SEMA6D: variants seen among roughly 807,000 people sequenced by gnomAD.
The protein encoded by SEMA6D is semaphorin 6D, also known as semaphorin-6D.
A neutral mutation model predicts 106.6 loss-of-function variants in SEMA6D; 35 were observed. The observed-to-expected ratio is 0.33, with a 90% CI of 0.25 to 0.44. SEMA6D has a LOEUF of 0.44. Ranked by LOEUF, SEMA6D falls within the 20% of genes least tolerant of loss-of-function variation. SEMA6D has a pLI of 1.00. For synonymous variants in SEMA6D, 499 were observed against 487.7 expected (o/e 1.02, Z -0.31); for missense variants, 1,185 against 1,345.9 (o/e 0.88, Z 1.87).
intron 1 of SEMA6D, among the ~76,000 whole-genome samples, chr15:47,378,163 C>T (rs1313623737): frequency 3.3e-5 from 5 of 152,164 alleles, no homozygotes; most frequent in Admixed American, 2.6e-4. Context: ...GTTGTTTTCC[C>T]TCTGCTTCCA....
intron 3 of SEMA6D, among the ~76,000 whole-genome samples, chr15:47,480,621 A>G (rs1353615375): frequency 1.3e-5 from 2 of 152,166 alleles, no homozygotes; most frequent in African/African-American, 2.4e-5. Flanking sequence ...TGTCACATTA[A>G]TGACACACCC....
At chr15:47,303,422 C>T (rs932584286) in intron 1 of SEMA6D, among the ~76,000 whole-genome samples, 13 of 152,162 alleles carry the variant, frequency 8.5e-5, no homozygotes, top group Admixed American at 7.2e-4. Flanking sequence ...TTTACTTCCT[C>T]ACTTCTTCAA....
chr15:47,757,561 A>AG (rs2081823447), intron 1 of SEMA6D, among the ~76,000 whole-genome samples: 3 of 152,188 alleles, frequency 2.0e-5, no homozygotes, highest in African/African-American at 4.8e-5. Flanking sequence ...GTAGTAAAAA[A>AG]CTAGAACCAA....
rs764380976 is a variant in SEMA6D at position 47,771,109 on chromosome 15, C to T, written c.2546C>T (p.Ala849Val). Residue 849 changes from alanine to valine, a missense_variant, in exon 19 of 19, where the codon GCT becomes GTT. Transcript: ENST00000536845. ...TTCTCAAACTCCAATGCTCACAAAG[C>T]TGAAAAGAAGCTTCAAAACATTGAT... ...TSFSNSNAHK[A>V]EKKLQNIDHP... is the part of the protein sequence containing the mutation. The T allele has an allele frequency of 6.2e-7, 1 of 1,614,146 alleles. No individual in the cohort carries two copies. Among genetic ancestry groups the T allele is most frequent in the Non-Finnish European group, 8.5e-7 (1 of 1,179,998 alleles).
At position 47,761,694 on chromosome 15, in the gene SEMA6D, A is replaced by G; in HGVS notation, c.481A>G (p.Ser161Gly). The change falls in exon 7 of 19, where the codon AGT becomes GGT. Residue 161 changes from serine to glycine, a missense_variant. Around this residue, in one of 3 missense-constraint regions of SEMA6D, gnomAD observed 291 missense variants for 423.8 expected, o/e 0.69. Transcript: ENST00000536845. The part of the protein sequence containing the change: ...STLEYDGEEI[S>G]GLARCPFDAR... ...CTTAGAATATGATGGGGAAGAAATT[A>G]GTGGCCTGGCAAGATGCCCATTTGA... 4 of 1,613,490 alleles carry G rather than the reference A, an allele frequency of 2.5e-6. No homozygotes were observed. The highest frequency in any genetic ancestry group is 3.4e-6 in the Non-Finnish European group (4 of 1,179,650).
chr15:47,647,582 G>A (rs60595064), intron 4 of SEMA6D, among the ~76,000 whole-genome samples: 1 of 152,132 alleles, frequency 6.6e-6, no homozygotes, highest in Non-Finnish European at 1.5e-5. Context: ...GGAGAAAATA[G>A]AAACATGTTC....
chr15:47,712,162 C>A (rs80019971), intron 4 of SEMA6D, among the ~76,000 whole-genome samples: 2 of 151,914 alleles, frequency 1.3e-5, no homozygotes, highest in Non-Finnish European at 2.9e-5. Flanking sequence ...GATGTCCTTA[C>A]ACTGGATTTT....
rs1051429644 is a variant in SEMA6D at position 47,430,506 on chromosome 15, A to C, written c.-159+18034A>C. ...ATATATTTTTTACTCAGGTAGATGA[A>C]AGGGCAGAAACATAGGCACAGAGAC... On this transcript the variant is annotated intron_variant, in intron 2 of 19. Transcript: ENST00000558014. Among the ~76,000 whole-genome samples, 12 of 152,118 alleles carry C rather than the reference A, an allele frequency of 7.9e-5. No homozygotes were observed. In the East Asian group the frequency reaches 2.3e-3, roughly 30 times the overall value.
intron 1 of SEMA6D, among the ~76,000 whole-genome samples, chr15:47,287,714 G>A (rs1336491780): frequency 6.6e-6 from 1 of 152,108 alleles, no homozygotes; most frequent in African/African-American, 2.4e-5. Flanking sequence ...TAAAAAATCA[G>A]GGGCACTTTG....
At chr15:47,318,388 G>T (rs868401337) in intron 1 of SEMA6D, among the ~76,000 whole-genome samples, 1,877 of 128,774 alleles carry the variant, frequency 0.015, 46 homozygotes, top group African/African-American at 0.049. Context: ...TCTAGCATTA[G>T]GTATATCTCC....
intron 1 of SEMA6D, among the ~76,000 whole-genome samples, chr15:47,275,481 T>C (rs1190571093): frequency 6.6e-6 from 1 of 152,140 alleles, no homozygotes; most frequent in Admixed American, 6.6e-5. Context: ...TTTTTGGTAA[T>C]TGTCACAATG....
At chr15:47,601,903 C>A (rs1283838748) in intron 4 of SEMA6D, among the ~76,000 whole-genome samples, 5 of 152,110 alleles carry the variant, frequency 3.3e-5, no homozygotes, top group Non-Finnish European at 7.4e-5. Flanking sequence ...TAGAAAAAGT[C>A]AAGTTAAACT....
At chr15:47,423,588 A>G (rs1186247121) in intron 2 of SEMA6D, among the ~76,000 whole-genome samples, 1 of 152,148 alleles carries the variant, frequency 6.6e-6, no homozygotes, top group Non-Finnish European at 1.5e-5. Context: ...AACAGCAACT[A>G]CAAATACATA....
intron 1 of SEMA6D, among the ~76,000 whole-genome samples, chr15:47,286,359 C>T (rs1472097842): frequency 6.6e-6 from 1 of 152,052 alleles, no homozygotes; most frequent in African/African-American, 2.4e-5. Context: ...ATTATGTTTA[C>T]AGGAGTTCTA....
At chr15:47,501,894 A>G (rs893621252) in intron 3 of SEMA6D, among the ~76,000 whole-genome samples, 1 of 151,120 alleles carries the variant, frequency 6.6e-6, no homozygotes, top group Non-Finnish European at 1.5e-5. Flanking sequence ...TATAAGCTTC[A>G]TTTACATCAT....
intron 1 of SEMA6D, among the ~76,000 whole-genome samples, chr15:47,256,964 C>T (rs957603829): frequency 6.6e-6 from 1 of 152,040 alleles, no homozygotes; most frequent in Non-Finnish European, 1.5e-5. Flanking sequence ...ACATAATTGT[C>T]TTTCCAATCA....
At chr15:47,563,556 A>T (rs1187819971) in intron 3 of SEMA6D, among the ~76,000 whole-genome samples, 2 of 152,270 alleles carry the variant, frequency 1.3e-5, no homozygotes, top group East Asian at 3.9e-4. Flanking sequence ...CTCTGATTAG[A>T]TGATCATACC....
chr15:47,507,300 C>T (rs2044073661), intron 3 of SEMA6D, among the ~76,000 whole-genome samples: 1 of 152,098 alleles, frequency 6.6e-6, no homozygotes, highest in Admixed American at 6.5e-5. Flanking sequence ...ATGCCTTTTC[C>T]TTCCAAGGCA....
intron 1 of SEMA6D, among the ~76,000 whole-genome samples, chr15:47,395,956 C>T (rs1227299337): frequency 6.6e-6 from 1 of 152,060 alleles, no homozygotes; most frequent in Non-Finnish European, 1.5e-5. Flanking sequence ...GAGATGGGGC[C>T]TTTGAGAGGT....
Sources: gnomAD v4.1 joint callset for allele counts (sites outside exome capture counted in the v4.1 genomes callset) on GRCh38, gnomAD v4.1.1 for gene constraint, gnomAD v4.1.1 regional missense constraint, MANE v1.5 for transcripts, NCBI Gene and HGNC (gene_info 2026-07-23, HGNC 2026-07-21) for gene names.